Variants in CCDC187 observed in about 807,000 individuals in gnomAD.
CCDC187 encodes coiled-coil domain containing 187, also known as coiled-coil domain-containing protein 187.
CCDC187 carries 32 observed loss-of-function variants against 38.0 expected under a neutral mutation model. The ratio of observed to expected loss-of-function variants is 0.84; its 90% CI spans 0.64 to 1.13. The LOEUF is 1.13. Ranked by LOEUF, CCDC187 falls within the 50% of genes most tolerant of loss-of-function variation. The pLI, the probability that CCDC187 is intolerant of heterozygous loss-of-function variation, is 0.00. For missense variants in CCDC187, 707 were observed against 786.8 expected, an observed-to-expected ratio of 0.90 and a Z score of 1.21; for synonymous variants, 333 against 347.9, an observed-to-expected ratio of 0.96 and a Z score of 0.48.
chr9:136,261,819 G>T (rs1554761016), intron 19 of CCDC187, among the ~76,000 whole-genome samples: 1 of 152,230 alleles, frequency 6.6e-6, no homozygotes, highest in African/African-American at 2.4e-5. Flanking sequence ...AGTCTTGAGG[G>T]CTGCTGGCCC....
rs1357093835 is a variant in CCDC187, at chr9:136,303,102, G to C, written c.335C>G (p.Ser112Trp). ...TGPEARDGDS[S>W]VSSGRLSCSS... ...GCACGAGAGGCGGCCCGATGACACCGAGCTGTCCCCATCCCTAGCCTCCGG... is the reference window on the plus strand; with the variant it reads ...GCACGAGAGGCGGCCCGATGACACCCAGCTGTCCCCATCCCTAGCCTCCGG... The change falls in exon 2 of 26, where the codon TCG becomes TGG. Residue 112 changes from serine (S) to tryptophan (W), a missense_variant. Ser to Trp is a radical substitution (Grantham distance 177). Transcript: ENST00000638797. 1 of 398,488 alleles carries C rather than the reference G, an allele frequency of 2.5e-6. No homozygotes were observed. The highest frequency in any genetic ancestry group is 2.1e-5 in the African/African-American group (1 of 48,620). 24.7% of individuals were successfully genotyped at this position (398,488 alleles called of 1,614,324 possible).
chr9:136,270,682 G>A (rs1554762283), intron 14 of CCDC187, among the ~76,000 whole-genome samples: 1 of 152,172 alleles, frequency 6.6e-6, no homozygotes, highest in Non-Finnish European at 1.5e-5. Flanking sequence ...TGGTGGAGCA[G>A]AGCGTTCCCT....
chr9:136,298,100 G>A (rs1414907632), intron 3 of CCDC187, among the ~76,000 whole-genome samples: 2 of 152,218 alleles, frequency 1.3e-5, no homozygotes, highest in African/African-American at 2.4e-5. Flanking sequence ...ATTCCCTCCC[G>A]AGTGTCTGGT....
intron 20 of CCDC187, 106 bp downstream of exon 20, chr9:136,260,013 G>C: frequency 1.1e-6 from 1 of 923,014 alleles, no homozygotes; most frequent in East Asian, 1.2e-4. Context: ...CAGCAGGCCA[G>C]AACACAGGCC....
At chr9:136,285,664 G>A (rs1404407697) in intron 8 of CCDC187, 58 bp from the exon 9 acceptor site, 3 of 399,302 alleles carry the variant, frequency 7.5e-6, no homozygotes, top group Non-Finnish European at 1.3e-5. Flanking sequence ...CGGGACGGGG[G>A]ACCCAAGCCA....
intron 21 of CCDC187, among the ~76,000 whole-genome samples, 176 bp from the exon 22 acceptor site, chr9:136,259,177 G>A (rs1362195035): frequency 7.1e-5 from 10 of 141,012 alleles, no homozygotes; most frequent in African/African-American, 2.5e-4. Context: ...CCCACTGCAG[G>A]AACCAAGGAC....
chr9:136,300,612 T>C (rs1437826396), intron 2 of CCDC187, among the ~76,000 whole-genome samples: 1 of 151,234 alleles, frequency 6.6e-6, no homozygotes, highest in Non-Finnish European at 1.5e-5. Flanking sequence ...TTTTTTTTTT[T>C]TCTGAGGCGG....
chr9:136,303,266 G>A lies in CCDC187; in HGVS notation c.171C>T (p.Asp57=), dbSNP rs891180085. The part of the protein sequence containing the change: ...PRLCAPAAED[D]VAALRWPGPS... ...GCCCGGGCCACCTCAGGGCTGCCACGTCATCCTCAGCTGCAGGTGCGCAGA... is the reference window on the plus strand; with the variant it reads ...GCCCGGGCCACCTCAGGGCTGCCACATCATCCTCAGCTGCAGGTGCGCAGA... The change falls in exon 2 of 26, where the codon GAC becomes GAT. Residue 57 remains aspartate (D), a synonymous_variant. Transcript: ENST00000638797. 31 of 397,856 alleles carry A rather than the reference G, an allele frequency of 7.8e-5. No individual in the cohort carries two copies. Among genetic ancestry groups the A allele is most frequent in the Admixed American group, 1.8e-4 (4 of 22,740 alleles). The allele number at this position is 397,856 out of a possible 1,614,324, so 24.6% of individuals were successfully genotyped here. A position where few individuals can be genotyped will look rare whatever the true frequency, so the allele number is the denominator to read the frequency against.
intron 1 of CCDC187, 87 bp downstream of exon 1, chr9:136,303,601 G>A (rs1831743007): frequency 6.4e-6 from 1 of 156,142 alleles, no homozygotes; most frequent in Admixed American, 6.5e-5. Flanking sequence ...CCACGCCCTT[G>A]TACCTCCCAC....
chr9:136,285,108 A>G (rs1251238804), intron 9 of CCDC187, among the ~76,000 whole-genome samples: 1 of 151,858 alleles, frequency 6.6e-6, no homozygotes, highest in Non-Finnish European at 1.5e-5. Context: ...GATGGGAGCC[A>G]GGTGTGTGAG....
intron 4 of CCDC187, among the ~76,000 whole-genome samples, chr9:136,293,465 TCACATGCTCACACACTCACAAA>T (rs1248235073): frequency 6.8e-4 from 33 of 48,280 alleles, no homozygotes; most frequent in Admixed American, 4.7e-3. Context: ...ACACTCACAC[TCACATGCTCACACACTCACAAA>T]CACATGCTCA....
chr9:136,261,418 C>T (rs1830677409), intron 19 of CCDC187, among the ~76,000 whole-genome samples: 1 of 152,152 alleles, frequency 6.6e-6, no homozygotes, highest in African/African-American at 2.4e-5. Context: ...AGGGTGTACC[C>T]CTCCGCCAGG....
At chr9:136,306,698 G>A (rs1351639386), upstream of CCDC187, 2 of 152,688 alleles carry the variant, frequency 1.3e-5, no homozygotes, top group African/African-American at 2.4e-5. Flanking sequence ...TGTCCCCAAG[G>A]CCAGGAGAGA....
chr9:136,306,068 C>T (rs1394639897), upstream of CCDC187, among the ~76,000 whole-genome samples: 14 of 152,186 alleles, frequency 9.2e-5, no homozygotes, highest in Admixed American at 9.2e-4. Flanking sequence ...TGCTGGGGTA[C>T]GAGGCTCGGG....
At position 136,258,010 on chromosome 9, in the gene CCDC187, C is replaced by A. The variant is rs574839696; in HGVS notation, c.4366+922G>T. 2.0e-5 allele frequency among the ~76,000 whole-genome samples: 3 copies of A among 152,318 alleles called. No individual in the cohort carries two copies. The highest frequency in any genetic ancestry group is 7.2e-5 in the African/African-American group (3 of 41,576). ...CGAGGACCCATGGTGGGTGCAGGCG[C>A]CTGGCTGGCCCCCCGAACGGTGACA... On this transcript the variant is annotated intron_variant, in intron 22 of 25. Transcript: ENST00000638797. The surrounding 1 kb of genome is among the most constrained non-coding windows in gnomAD (Gnocchi z 4.3).
intron 9 of CCDC187, among the ~76,000 whole-genome samples, chr9:136,285,195 C>A (rs1023057246): frequency 6.6e-6 from 1 of 152,096 alleles, no homozygotes; most frequent in Non-Finnish European, 1.5e-5. Flanking sequence ...GAGTCACTGT[C>A]CCTGCACTCA....
At chr9:136,299,298 C>T (rs1831614476) in intron 3 of CCDC187, among the ~76,000 whole-genome samples, 1 of 152,192 alleles carries the variant, frequency 6.6e-6, no homozygotes, top group Admixed American at 6.5e-5. Flanking sequence ...GGGAGGGACA[C>T]ACCCAAATGC....
In CCDC187 at chr9:136,253,800, C is replaced by A. The variant is rs78644780; in HGVS notation, c.6028G>T (p.Ala2010Ser). ...GTGGGAGGAGGTGGGGGTAGGGGGG[C>A]CTCCCTGTGGATGGAGGACGGGAGG... is the stretch of plus-strand genomic sequence containing the variant. ...ADLPSSIHREAPLPPPPPTPQ... is the reference protein window; with the variant it reads ...ADLPSSIHRESPLPPPPPTPQ... Residue 2010 changes from alanine to serine, a missense_variant, in exon 26 of 26, where the codon GCC becomes TCC. By Grantham distance (99) the Ala-to-Ser change is moderately conservative. Coordinates refer to ENST00000638797, the MANE Select transcript of CCDC187 (RefSeq NM_001378188.1). The A allele has an allele frequency of 0.049, 48,477 of 985,466 alleles. 1,329 individuals carry two copies. Among genetic ancestry groups the A allele is most frequent in the African/African-American group, 0.081 (4,634 of 57,336 alleles). 61.0% of individuals were successfully genotyped at this position (985,466 alleles called of 1,614,324 possible).
chr9:136,266,079 C>G, intron 16 of CCDC187, 36 bp from the exon 17 acceptor site: 1 of 977,438 alleles, frequency 1.0e-6, no homozygotes, highest in Non-Finnish European at 1.2e-6. Flanking sequence ...CCAATGTTGA[C>G]AGCCCGTGCA....
Sources: allele counts gnomAD v4.1 joint callset (sites outside exome capture counted in the v4.1 genomes callset), GRCh38; gene constraint gnomAD v4.1.1; non-coding constraint Gnocchi (gnomAD v3.1); transcripts MANE v1.5; gene names NCBI Gene and HGNC (gene_info 2026-07-23, HGNC 2026-07-21).